Variants in GC observed in about 807,000 individuals in gnomAD.
GC encodes the protein vitamin D-binding protein.
In GC, 43 loss-of-function variants were observed where a neutral mutation model predicts 56.7. The observed-to-expected ratio is 0.76, with a 90% CI of 0.59 to 0.98. GC has a LOEUF of 0.98. GC is among the 50% of genes least tolerant of loss of function. The pLI, the probability that GC is intolerant of heterozygous loss-of-function variation, is 0.00. For missense variants in GC, 529 were observed against 545.9 expected (o/e 0.97, Z 0.31); for synonymous variants, 216 against 202.7 (o/e 1.07, Z -0.56).
intron 1 of GC, among the ~76,000 whole-genome samples, chr4:71,770,947 T>A (rs1318129246): frequency 6.6e-6 from 1 of 152,156 alleles, no homozygotes; most frequent in Non-Finnish European, 1.5e-5. Context: ...TTGTTCAACA[T>A]GTCCATCACA....
intron 11 of GC, among the ~76,000 whole-genome samples, chr4:71,747,185 T>G (rs6845869): frequency 0.13 from 20,112 of 152,138 alleles, 3,169 homozygotes; most frequent in African/African-American, 0.37. Context: ...AGGAAAAATA[T>G]TTTGTCCATG....
intron 3 of GC, among the ~76,000 whole-genome samples, chr4:71,767,843 ATTATATCCTTCTTATGCCT>A (rs1468008972): frequency 6.6e-6 from 1 of 151,908 alleles, no homozygotes; most frequent in East Asian, 1.9e-4. Flanking sequence ...CCCAAAGTCC[ATTATATCCTTCTTATGCCT>A]TTAAATCCTC....
At chr4:71,760,993 G>A (rs1333158955) in intron 6 of GC, among the ~76,000 whole-genome samples, 3 of 152,182 alleles carry the variant, frequency 2.0e-5, no homozygotes, top group Non-Finnish European at 2.9e-5. Flanking sequence ...ATTTGTACCA[G>A]GAGTGCGGTG....
At chr4:71,779,579 GC>G (rs1244209586) in intron 1 of GC, among the ~76,000 whole-genome samples, 5 of 151,756 alleles carry the variant, frequency 3.3e-5, no homozygotes, top group Admixed American at 2.6e-4. Context: ...GAGAGAAGAA[GC>G]AATGGGTAGA....
intron 1 of GC, among the ~76,000 whole-genome samples, chr4:71,772,582 C>T (rs1170907508): frequency 6.6e-6 from 1 of 152,144 alleles, no homozygotes; most frequent in East Asian, 1.9e-4. Context: ...TGTGTTTGCA[C>T]ACAGCACTTT....
Position 71,765,469 on chromosome 4 carries a change from C to G in GC, c.436G>C (p.Glu146Gln). Residue 146 changes from glutamate to glutamine, a missense_variant, in exon 4 of 13, where the codon GAG (glutamate) becomes CAG (glutamine). Coordinates refer to ENST00000273951, the MANE Select transcript of GC (RefSeq NM_000583.4). ...YVEPTNDEIC[E>Q]AFRKDPKEYA... Reference sequence around the variant, plus strand: ...TCCTTTGGATCTTTCCTGAACGCCTCACAGATTTCATCATTTGTGGGTTCC... The same window carrying G: ...TCCTTTGGATCTTTCCTGAACGCCTGACAGATTTCATCATTTGTGGGTTCC... The G allele has an allele frequency of 1.2e-6, 2 of 1,613,926 alleles. No homozygotes were observed. Among genetic ancestry groups the G allele is most frequent in the Non-Finnish European group, 1.7e-6 (2 of 1,179,920 alleles).
upstream of GC, among the ~76,000 whole-genome samples, chr4:71,789,014 G>A (rs1458739865): frequency 1.3e-5 from 2 of 151,796 alleles, no homozygotes; most frequent in Non-Finnish European, 2.9e-5. Flanking sequence ...CAACACTGAA[G>A]CCAGGTAATT....
intron 1 of GC, 135 bp downstream of exon 1, chr4:71,783,826 C>T (rs1394299300): frequency 7.5e-6 from 4 of 532,076 alleles, no homozygotes; most frequent in Non-Finnish European, 1.3e-5. Context: ...ATTAATGCCT[C>T]TCTGGTCCTT....
At chr4:71,744,031 CATTTCT>C (rs1741269621) in intron 12 of GC, among the ~76,000 whole-genome samples, 1 of 152,090 alleles carries the variant, frequency 6.6e-6, no homozygotes, top group Non-Finnish European at 1.5e-5. Flanking sequence ...TAAGAAATTT[CATTTCT>C]TCATCTTATC....
intron 9 of GC, 120 bp downstream of exon 9, chr4:71,754,858 T>C: frequency 1.6e-6 from 1 of 625,640 alleles, no homozygotes; most frequent in Non-Finnish European, 2.8e-6. Context: ...TGTAAAACCA[T>C]TCTTCTGTTC....
intron 1 of GC, among the ~76,000 whole-genome samples, chr4:71,790,013 T>A (rs997864977): frequency 6.6e-6 from 1 of 152,010 alleles, no homozygotes; most frequent in African/African-American, 2.4e-5. Flanking sequence ...CTTGTAGTTT[T>A]TAGTCTATTG....
At chr4:71,803,539 T>G (rs1232871965) in intron 1 of GC, among the ~76,000 whole-genome samples, 1 of 152,100 alleles carries the variant, frequency 6.6e-6, no homozygotes, top group Non-Finnish European at 1.5e-5. Flanking sequence ...ATGAATCCAA[T>G]TAAATATAAA....
chr4:71,744,185 G>A (rs1741275767), intron 12 of GC, among the ~76,000 whole-genome samples: 1 of 151,406 alleles, frequency 6.6e-6, no homozygotes, highest in Non-Finnish European at 1.5e-5. Context: ...GCTCATGCCT[G>A]TAATCCCAGC....
intron 1 of GC, among the ~76,000 whole-genome samples, chr4:71,773,693 G>T (rs1205191792): frequency 6.6e-6 from 1 of 151,926 alleles, no homozygotes; most frequent in Non-Finnish European, 1.5e-5. Flanking sequence ...GTACATTAAT[G>T]GATCCTAAAT....
chr4:71,791,794 C>T (rs755736964), intron 1 of GC, among the ~76,000 whole-genome samples: 1 of 151,910 alleles, frequency 6.6e-6, no homozygotes, highest in Non-Finnish European at 1.5e-5. Flanking sequence ...TTAGGTATTT[C>T]TCCTAATGCT....
intron 1 of GC, among the ~76,000 whole-genome samples, chr4:71,791,383 C>A (rs527587033): frequency 6.6e-6 from 1 of 151,992 alleles, no homozygotes; most frequent in African/African-American, 2.4e-5. Context: ...CCTCTGGTTG[C>A]TTTTAAGATG....
chr4:71,793,300 A>G (rs1344615344), intron 1 of GC, among the ~76,000 whole-genome samples: 3 of 152,154 alleles, frequency 2.0e-5, no homozygotes, highest in Admixed American at 2.0e-4. Context: ...TGAGCATAGA[A>G]TATTCTTCCA....
intron 1 of GC, among the ~76,000 whole-genome samples, chr4:71,803,190 G>A (rs1180877909): frequency 1.3e-5 from 2 of 152,120 alleles, no homozygotes; most frequent in African/African-American, 4.8e-5. Context: ...ACTTATATCA[G>A]TCAACATTTG....
chr4:71,759,102 G>T (rs971706042), intron 6 of GC, among the ~76,000 whole-genome samples: 4 of 152,044 alleles, frequency 2.6e-5, no homozygotes, highest in African/African-American at 9.7e-5. Flanking sequence ...CATCCTTGTA[G>T]CACGTGACAG....
Sources: gnomAD v4.1 joint callset for allele counts (sites outside exome capture counted in the v4.1 genomes callset) on GRCh38, gnomAD v4.1.1 for gene constraint, MANE v1.5 for transcripts, NCBI Gene and HGNC (gene_info 2026-07-23, HGNC 2026-07-21) for gene names.